The following CNTNAP2 variants were observed in gnomAD, a reference collection of about 807,000 sequenced individuals.
CNTNAP2 encodes contactin associated protein 2.
A neutral mutation model predicts 155.2 loss-of-function variants in CNTNAP2; 98 were observed. The ratio of observed to expected loss-of-function variants is 0.63; its 90% CI spans 0.54 to 0.75. The LOEUF (loss-of-function observed/expected upper bound fraction) is 0.75, where lower values mean the gene tolerates loss of function less well. Among genes scored for constraint, CNTNAP2 ranks in the 30% least tolerant of loss-of-function variants. CNTNAP2 has a pLI of 0.00. For missense variants in CNTNAP2, 1,727 were observed against 1,688.1 expected, an observed-to-expected ratio of 1.02 and a Z score of -0.40; for synonymous variants, 651 against 631.2, an observed-to-expected ratio of 1.03 and a Z score of -0.47.
At position 147,130,196 on chromosome 7, in the gene CNTNAP2, T is replaced by A. The variant is rs554917937; in HGVS notation, c.1083+1360T>A. Among the ~76,000 whole-genome samples the A allele has an allele frequency of 3.9e-5, 6 of 152,118 alleles. No homozygotes were observed. In the East Asian group the frequency reaches 1.2e-3, roughly 29 times the overall value. On this transcript the variant is annotated intron_variant, in intron 7 of 23. Coordinates refer to ENST00000361727, the MANE Select transcript of CNTNAP2 (RefSeq NM_014141.6). ...TGGGAGGCCAAGGCAGGAGGATCAC[T>A]TGAGTCCAGGAGTTTGAGACCAGCC... is the stretch of plus-strand genomic sequence containing the variant.
At chr7:148,150,039 C>A (rs1267067666) in intron 17 of CNTNAP2, among the ~76,000 whole-genome samples, 1 of 144,228 alleles carries the variant, frequency 6.9e-6, no homozygotes, top group African/African-American at 2.6e-5. Context: ...GCTACTTTAG[C>A]CAATTTGTGA....
At chr7:146,543,936 G>A (rs1797991100) in intron 1 of CNTNAP2, among the ~76,000 whole-genome samples, 1 of 151,722 alleles carries the variant, frequency 6.6e-6, no homozygotes, top group East Asian at 1.9e-4. Flanking sequence ...ACCTCATTTT[G>A]CAGTCCACTC....
At chr7:147,450,974 C>T (rs146252365) in intron 10 of CNTNAP2, among the ~76,000 whole-genome samples, 2,479 of 152,308 alleles carry the variant, frequency 0.016, 29 homozygotes, top group Middle Eastern at 0.037. Context: ...CACATTAAAT[C>T]CAGGCCAGAC....
intron 1 of CNTNAP2, among the ~76,000 whole-genome samples, chr7:146,206,519 T>C (rs1317029260): frequency 1.3e-5 from 2 of 151,910 alleles, no homozygotes; most frequent in African/African-American, 4.8e-5. Flanking sequence ...AAAGGGAGGA[T>C]AGACATTAAT....
At chr7:147,360,030 C>T (rs556278466) in intron 9 of CNTNAP2, among the ~76,000 whole-genome samples, 1 of 152,162 alleles carries the variant, frequency 6.6e-6, no homozygotes, top group African/African-American at 2.4e-5. Flanking sequence ...GAATGAGTAC[C>T]TGGCATGCAG....
chr7:147,297,344 A>G (rs1475995447), intron 8 of CNTNAP2, among the ~76,000 whole-genome samples: 1 of 152,204 alleles, frequency 6.6e-6, no homozygotes, highest in African/African-American at 2.4e-5. Flanking sequence ...TAGAGAAGAA[A>G]ACAGACAAAA....
intron 4 of CNTNAP2, among the ~76,000 whole-genome samples, chr7:147,052,013 G>A (rs535014766): frequency 6.6e-6 from 1 of 151,990 alleles, no homozygotes; most frequent in Non-Finnish European, 1.5e-5. Flanking sequence ...TAATACATGA[G>A]TGACCTGCTT....
intron 3 of CNTNAP2, among the ~76,000 whole-genome samples, chr7:146,875,941 A>G (rs1365839314): frequency 5.0e-5 from 6 of 120,808 alleles, no homozygotes; most frequent in Non-Finnish European, 8.4e-5. Flanking sequence ...CAGCAAAAAA[A>G]AAAAAAAAAA....
At chr7:146,673,851 G>A (rs565360987) in intron 1 of CNTNAP2, among the ~76,000 whole-genome samples, 1 of 152,254 alleles carries the variant, frequency 6.6e-6, no homozygotes, top group African/African-American at 2.4e-5. Flanking sequence ...CCAAAGTGCT[G>A]GGGTTATAGG....
chr7:147,491,249 A>G (rs1400249436), intron 11 of CNTNAP2, among the ~76,000 whole-genome samples: 1 of 151,942 alleles, frequency 6.6e-6, no homozygotes, highest in Non-Finnish European at 1.5e-5. Flanking sequence ...CTCCCCTTCA[A>G]TGCACTGGCC....
intron 11 of CNTNAP2, among the ~76,000 whole-genome samples, chr7:147,507,169 A>C (rs1798921488): frequency 6.6e-6 from 1 of 152,114 alleles, no homozygotes; most frequent in African/African-American, 2.4e-5. Flanking sequence ...CTTCCTTCAG[A>C]CCTACTCTCC....
At chr7:147,155,222 C>A (rs1308203387) in intron 8 of CNTNAP2, among the ~76,000 whole-genome samples, 2 of 152,144 alleles carry the variant, frequency 1.3e-5, no homozygotes, top group Admixed American at 6.6e-5. Context: ...TCCCTTGAGC[C>A]TTCTGCCATG....
intron 1 of CNTNAP2, among the ~76,000 whole-genome samples, chr7:146,340,013 C>T (rs1801349428): frequency 1.3e-5 from 2 of 151,470 alleles, no homozygotes; most frequent in Admixed American, 1.3e-4. Flanking sequence ...ACTAGAAATA[C>T]AAAAAATTAG....
At chr7:147,499,926 A>G (rs17170567) in intron 11 of CNTNAP2, among the ~76,000 whole-genome samples, 43,574 of 152,030 alleles carry the variant, frequency 0.29, 6,375 homozygotes, top group East Asian at 0.43. Context: ...ATTGCAAGTG[A>G]CCCTGAAGAT....
intron 3 of CNTNAP2, among the ~76,000 whole-genome samples, chr7:146,877,321 G>T (rs937560665): frequency 1.2e-4 from 9 of 77,112 alleles, no homozygotes; most frequent in Non-Finnish European, 2.0e-4. Flanking sequence ...GGGTAACATA[G>T]TGAGACCCCC....
intron 3 of CNTNAP2, among the ~76,000 whole-genome samples, chr7:146,875,786 C>T (rs1294792199): frequency 6.6e-6 from 1 of 151,346 alleles, no homozygotes; most frequent in African/African-American, 2.4e-5. Context: ...TGGCTCATGC[C>T]TATGATCCCA....
intron 10 of CNTNAP2, among the ~76,000 whole-genome samples, chr7:147,451,024 T>G (rs1797823968): frequency 1.3e-5 from 2 of 152,242 alleles, no homozygotes; most frequent in Non-Finnish European, 2.9e-5. Flanking sequence ...AGCTCCTGCC[T>G]CTTTGCCTTG....
At chr7:148,025,916 G>A (rs900967042) in intron 15 of CNTNAP2, among the ~76,000 whole-genome samples, 4 of 152,284 alleles carry the variant, frequency 2.6e-5, no homozygotes, top group African/African-American at 7.2e-5. Context: ...GTGGCTATAT[G>A]ACCGATTCTA....
chr7:148,414,855 T>G (rs1799940245), intron 23 of CNTNAP2: 1 of 163,828 alleles, frequency 6.1e-6, no homozygotes, highest in Non-Finnish European at 1.3e-5. Context: ...CTCCGTGAGC[T>G]CTGGTTTTTT....
Sources: allele counts gnomAD v4.1 joint callset (sites outside exome capture counted in the v4.1 genomes callset), GRCh38; gene constraint gnomAD v4.1.1; transcripts MANE v1.5; gene names NCBI Gene and HGNC (gene_info 2026-07-23, HGNC 2026-07-21).